Variants in SCHIP1 observed in about 807,000 individuals in gnomAD.
SCHIP1 encodes the protein schwannomin interacting protein 1.
A neutral mutation model predicts 29.7 loss-of-function variants in SCHIP1; 8 were observed. The ratio of observed to expected loss-of-function variants is 0.27; its 90% confidence interval spans 0.16 to 0.49. The LOEUF is 0.49. SCHIP1 is among the 20% of genes least tolerant of loss of function. SCHIP1 has a pLI of 0.99. For synonymous variants in SCHIP1, 76 were observed against 94.9 expected (o/e 0.80, Z 1.16); for missense variants, 193 against 294.6 (o/e 0.66, Z 2.52).
the SCHIP1 span, among the ~76,000 whole-genome samples, chr3:159,543,427 C>G: frequency 3.1e-5 from 4 of 130,974 alleles, no homozygotes; most frequent in African/African-American, 5.7e-5. Flanking sequence ...TCCATGTGTT[C>G]TCATTGTTCA....
chr3:159,729,873 T>C, the SCHIP1 span, among the ~76,000 whole-genome samples: 2 of 152,184 alleles, frequency 1.3e-5, no homozygotes, highest in South Asian at 2.1e-4. Flanking sequence ...TGTACATCAA[T>C]AAGACACTGG....
chr3:159,747,944 G>A, the SCHIP1 span, among the ~76,000 whole-genome samples: 1 of 152,132 alleles, frequency 6.6e-6, no homozygotes, highest in African/African-American at 2.4e-5. Flanking sequence ...CCTCAACTTT[G>A]TCTGAAACTA....
upstream of SCHIP1, among the ~76,000 whole-genome samples, chr3:159,836,359 G>A (rs974335477): frequency 6.6e-6 from 1 of 152,102 alleles, no homozygotes; most frequent in African/African-American, 2.4e-5. Flanking sequence ...CTTTTAAAAA[G>A]GGCATGGATC....
the SCHIP1 span, among the ~76,000 whole-genome samples, chr3:159,689,220 C>G: frequency 6.6e-6 from 1 of 152,166 alleles, no homozygotes; most frequent in African/African-American, 2.4e-5. Flanking sequence ...TTGATTTTTC[C>G]TATTCATGAA....
At chr3:159,819,478 C>A in the SCHIP1 span, among the ~76,000 whole-genome samples, 1 of 152,124 alleles carries the variant, frequency 6.6e-6, no homozygotes, top group South Asian at 2.1e-4. Context: ...ATATGTAAAT[C>A]TTCTGAGGCA....
chr3:159,453,921 A>G, the SCHIP1 span, among the ~76,000 whole-genome samples: 7 of 152,136 alleles, frequency 4.6e-5, no homozygotes, highest in Non-Finnish European at 7.4e-5. Context: ...TACCCTGACC[A>G]TCATTTTAGA....
At chr3:159,826,842 A>C in the SCHIP1 span, among the ~76,000 whole-genome samples, 1 of 152,214 alleles carries the variant, frequency 6.6e-6, no homozygotes, top group African/African-American at 2.4e-5. Flanking sequence ...TCACCAGGGA[A>C]AACTGGTTTA....
the SCHIP1 span, among the ~76,000 whole-genome samples, chr3:159,516,884 C>T: frequency 2.0e-5 from 3 of 152,134 alleles, no homozygotes; most frequent in Non-Finnish European, 4.4e-5. Context: ...TCATTTTAGC[C>T]ACTGATCCTC....
chr3:159,484,513 A>T, the SCHIP1 span, among the ~76,000 whole-genome samples: 1 of 152,176 alleles, frequency 6.6e-6, no homozygotes, highest in Admixed American at 6.6e-5. Flanking sequence ...CTAAGCCAGA[A>T]TCAGAATCAA....
the SCHIP1 span, among the ~76,000 whole-genome samples, chr3:159,379,197 A>G: frequency 1.3e-5 from 2 of 151,784 alleles, no homozygotes; most frequent in African/African-American, 4.8e-5. Context: ...GGAAATAACT[A>G]GAATAACTAG....
the SCHIP1 span, among the ~76,000 whole-genome samples, chr3:159,791,897 G>A: frequency 2.0e-5 from 3 of 152,130 alleles, no homozygotes; most frequent in South Asian, 4.1e-4. Flanking sequence ...TTATCTTAAT[G>A]AGGAAAAATC....
At chr3:159,641,867 CAGA>C in the SCHIP1 span, among the ~76,000 whole-genome samples, 2 of 152,108 alleles carry the variant, frequency 1.3e-5, no homozygotes. Context: ...CACATTAAAG[CAGA>C]AGAAGGAAAT....
the SCHIP1 span, among the ~76,000 whole-genome samples, chr3:159,679,728 G>T: frequency 3.9e-5 from 6 of 152,230 alleles, no homozygotes; most frequent in Middle Eastern, 3.4e-3. Context: ...CCCCGAGGAA[G>T]AAAGTGTGCC....
the SCHIP1 span, among the ~76,000 whole-genome samples, chr3:159,806,226 G>A: frequency 2.0e-5 from 3 of 152,146 alleles, no homozygotes; most frequent in African/African-American, 7.2e-5. Context: ...CTTTTGTGTT[G>A]TGGAATACCC....
the SCHIP1 span, among the ~76,000 whole-genome samples, chr3:159,397,904 G>A: frequency 6.6e-6 from 1 of 152,214 alleles, no homozygotes. Context: ...CTGGGCAATG[G>A]CATGCACCCC....
At chr3:159,393,150 T>C in the SCHIP1 span, among the ~76,000 whole-genome samples, 7 of 152,224 alleles carry the variant, frequency 4.6e-5, no homozygotes, top group African/African-American at 1.7e-4. Flanking sequence ...GCCCACTTTT[T>C]GATGGGGTTG....
At chr3:159,795,912 A>G in the SCHIP1 span, among the ~76,000 whole-genome samples, 1 of 152,190 alleles carries the variant, frequency 6.6e-6, no homozygotes, top group African/African-American at 2.4e-5. Context: ...TCAGATATAT[A>G]TTAGTAGCAT....
At chr3:159,429,203 A>AT in the SCHIP1 span, among the ~76,000 whole-genome samples, 7 of 137,020 alleles carry the variant, frequency 5.1e-5, no homozygotes, top group African/African-American at 2.0e-4. Flanking sequence ...AATAATAATA[A>AT]AAAAAAAGAA....
chr3:159,410,684 A>T, the SCHIP1 span, among the ~76,000 whole-genome samples: 1 of 152,290 alleles, frequency 6.6e-6, no homozygotes, highest in Middle Eastern at 3.4e-3. Flanking sequence ...TAGAAATGTA[A>T]GTTAGTGCAA....
Sources: allele counts gnomAD v4.1 joint callset (sites outside exome capture counted in the v4.1 genomes callset), GRCh38; gene constraint gnomAD v4.1.1; transcripts MANE v1.5; gene names NCBI Gene and HGNC (gene_info 2026-07-23, HGNC 2026-07-21).